The following PSD4 variants were observed in gnomAD, a reference collection of about 807,000 sequenced individuals.
PSD4 encodes PH and SEC7 domain-containing protein 4.
A neutral mutation model predicts 112.5 loss-of-function variants in PSD4; 59 were observed. The observed-to-expected ratio is 0.52, with a 90% CI of 0.43 to 0.65. The LOEUF (loss-of-function observed/expected upper bound fraction) is 0.65. Ranked by LOEUF, PSD4 falls within the 30% of genes least tolerant of loss-of-function variation. The pLI is 0.00. For missense variants in PSD4, 1,267 were observed against 1,352.6 expected (o/e 0.94, Z 0.99); for synonymous variants, 533 against 540.0 (o/e 0.99, Z 0.18).
In PSD4 at chr2:113,181,073, A is replaced by G. The variant is rs1688123079; in HGVS notation, c.-111-1273A>G. Among the ~76,000 whole-genome samples the G allele has an allele frequency of 1.3e-5, 2 of 151,834 alleles. 1 individual carries two copies. Among genetic ancestry groups the G allele is most frequent in the East Asian group, 3.9e-4 (2 of 5,170 alleles). On this transcript the variant is annotated intron_variant, in intron 1 of 16. Coordinates refer to ENST00000245796, the MANE Select transcript of PSD4 (RefSeq NM_012455.3). ...TCTCTACTAGAAATACAAAAAAAAA[A>G]AAAAATTAGCAGAGCATGGTGGTAG...
rs1473832592 is a variant in PSD4 at position 113,201,441 on chromosome 2, T to C, written c.*26T>C. ...AGCCAGCACCACCTCAGAGACACTGTTCCCTGCTCCAGGGTAGACCTGAGA... is the reference window on the plus strand; with the variant it reads ...AGCCAGCACCACCTCAGAGACACTGCTCCCTGCTCCAGGGTAGACCTGAGA... On this transcript the variant is annotated 3_prime_UTR_variant, in exon 17 of 17. Transcript: ENST00000245796. 2 of 1,610,728 alleles carry C rather than the reference T, an allele frequency of 1.2e-6. No homozygotes were observed. Among genetic ancestry groups the C allele is most frequent in the African/African-American group, 1.3e-5 (1 of 75,032 alleles).
intron 16 of PSD4, 55 bp downstream of exon 16, chr2:113,199,281 G>T: frequency 7.2e-7 from 1 of 1,385,910 alleles, no homozygotes; most frequent in Non-Finnish European, 9.3e-7. Flanking sequence ...CCGCCCTCTC[G>T]TGGCCGCCTC....
At chr2:113,174,398 C>T (rs940285711) in intron 1 of PSD4, among the ~76,000 whole-genome samples, 1 of 152,212 alleles carries the variant, frequency 6.6e-6, no homozygotes, top group East Asian at 1.9e-4. Flanking sequence ...GAAGGAAGCT[C>T]CTTGCTAATC....
At chr2:113,184,092 A>G (rs890550031) in intron 2 of PSD4, among the ~76,000 whole-genome samples, 3 of 152,236 alleles carry the variant, frequency 2.0e-5, no homozygotes, top group Non-Finnish European at 4.4e-5. Flanking sequence ...GGATGGGGAC[A>G]TGCTCTGTGA....
intron 1 of PSD4, among the ~76,000 whole-genome samples, 159 bp from the exon 2 acceptor site, chr2:113,182,187 G>A (rs1688154084): frequency 6.6e-6 from 1 of 152,212 alleles, no homozygotes; most frequent in Non-Finnish European, 1.5e-5. Flanking sequence ...GATGGAATAT[G>A]TGGTACACTC....
In PSD4 at chr2:113,199,174, G is replaced by T; in HGVS notation, c.2861G>T (p.Arg954Leu). ...AGGAACCTGCCGGAGCGGCGGGGCCGTGGCCGCGAGCTGGAGGAGCACCGC... is the reference window on the plus strand; with the variant it reads ...AGGAACCTGCCGGAGCGGCGGGGCCTTGGCCGCGAGCTGGAGGAGCACCGC... ...LQRNLPERRG[R>L]GRELEEHRLR... is the part of the protein sequence containing the mutation. The change falls in exon 16 of 17, where the codon CGT (arginine) becomes CTT (leucine). Residue 954 changes from arginine to leucine, a missense_variant. Arg to Leu is a moderately radical substitution (Grantham distance 102). Coordinates refer to ENST00000245796, the MANE Select transcript of PSD4 (RefSeq NM_012455.3). The T allele has an allele frequency of 6.6e-7, 1 of 1,524,906 alleles. No homozygotes were observed. Among genetic ancestry groups the T allele is most frequent in the South Asian group, 1.2e-5 (1 of 82,544 alleles). The allele number at this position is 1,524,906 out of a possible 1,614,324, so 94.5% of individuals were successfully genotyped here.
intron 4 of PSD4, 101 bp downstream of exon 4, chr2:113,185,541 G>A: frequency 6.3e-7 from 1 of 1,599,296 alleles, no homozygotes; most frequent in Non-Finnish European, 8.5e-7. Flanking sequence ...GCCATTAATG[G>A]GTCCCATTAT....
At chr2:113,184,933 T>A in intron 2 of PSD4, 24 bp from the exon 3 acceptor site, 1 of 1,613,512 alleles carries the variant, frequency 6.2e-7, no homozygotes, top group Non-Finnish European at 8.5e-7. Flanking sequence ...CCTTCTCTCC[T>A]CTGTCTCTCT....
At chr2:113,174,691 T>A (rs1343885489) in intron 1 of PSD4, among the ~76,000 whole-genome samples, 1 of 152,174 alleles carries the variant, frequency 6.6e-6, no homozygotes, top group Non-Finnish European at 1.5e-5. Context: ...AGCTCTGGCT[T>A]AGGCCTGTTG....
intron 5 of PSD4, 109 bp from the exon 6 acceptor site, chr2:113,192,271 G>A: frequency 9.5e-7 from 1 of 1,056,062 alleles, no homozygotes; most frequent in Non-Finnish European, 1.4e-6. Context: ...TAAGGGCCTG[G>A]GTCCAGCTCC....
At chr2:113,191,736 A>G (rs887848482) in intron 5 of PSD4, among the ~76,000 whole-genome samples, 15 of 152,186 alleles carry the variant, frequency 9.9e-5, no homozygotes, top group Admixed American at 1.3e-4. Context: ...GACATCTGAG[A>G]GTCTTAGTGC....
At chr2:113,174,743 C>G (rs761075185) in intron 1 of PSD4, among the ~76,000 whole-genome samples, 6 of 152,146 alleles carry the variant, frequency 3.9e-5, no homozygotes, top group Non-Finnish European at 7.4e-5. Flanking sequence ...CAAAGTGTGC[C>G]TGTGTAGGAA....
At chr2:113,185,145 A>T (rs1688259084) in intron 3 of PSD4, 72 bp downstream of exon 3, 2 of 1,605,232 alleles carry the variant, frequency 1.2e-6, no homozygotes, top group African/African-American at 2.7e-5. Flanking sequence ...ATTCATTTCC[A>T]GGGCCTAGCA....
chr2:113,184,950 T>G lies in PSD4; in HGVS notation c.1057-7T>G. 1 of 1,614,014 alleles carries G rather than the reference T, an allele frequency of 6.2e-7. No individual in the cohort carries two copies. The highest frequency in any genetic ancestry group is 8.5e-7 in the Non-Finnish European group (1 of 1,179,988). On this transcript the variant is annotated splice_polypyrimidine_tract_variant and splice_region_variant and intron_variant, in intron 2 of 16. Coordinates refer to ENST00000245796, the MANE Select transcript of PSD4 (RefSeq NM_012455.3). ...TTCTCTCCTCTGTCTCTCTCTCGAC[T>G]TCTCAGGGAGATAGGCTTGGTCCTG...
rs535023878 is a variant in PSD4, at chr2:113,179,101, A to G, written c.-111-3245A>G. On this transcript the variant is annotated intron_variant, in intron 1 of 16. Coordinates refer to ENST00000245796, the MANE Select transcript of PSD4 (RefSeq NM_012455.3). ...GGTGGGGTGAGTCACCTCCTTGCTC[A>G]CACTCGGTTGCTCTCCACCAGGCAG... Among the ~76,000 whole-genome samples the G allele has an allele frequency of 2.6e-5, 4 of 152,266 alleles. No individual in the cohort carries two copies. The East Asian group carries it at 7.7e-4, about 29-fold the overall frequency.
rs1688909605 is a variant in PSD4, at chr2:113,209,364, T to C, written c.*7949T>C. 6.6e-6 allele frequency: 1 copy of C among 152,198 alleles called. No individual in the cohort carries two copies. Among genetic ancestry groups the C allele is most frequent in the Non-Finnish European group, 1.5e-5 (1 of 68,044 alleles). The allele number at this position is 152,198 out of a possible 1,614,324, so 9.4% of individuals were successfully genotyped here. On this transcript the variant is annotated 3_prime_UTR_variant, in exon 17 of 17. Transcript: ENST00000245796. ...CAGAACAAGGTGAGGAATATATTAA[T>C]ATTTAAAATAAAATAAACAAAATGT...
Position 113,193,118 on chromosome 2 carries a change from C to G in PSD4, c.1909C>G (p.Arg637Gly), listed in dbSNP as rs1558893290. Residue 637 changes from arginine (R) to glycine (G), a missense_variant, in exon 7 of 17, where the codon CGA becomes GGA. Arg to Gly is a moderately radical substitution (Grantham distance 125). Around this residue, in one of 2 missense-constraint regions of PSD4, gnomAD observed 544 missense variants for 648.6 expected, o/e 0.84. Transcript: ENST00000245796. ...CCAGTTTGGAGGCCAGAGTCTGGAC[C>G]GAGCCCTCCGGTAATGTCTTTGGGC... is the stretch of plus-strand genomic sequence containing the variant. ...FFQFGGQSLDRALRSFLQALV... is the reference protein window; with the variant it reads ...FFQFGGQSLDGALRSFLQALV... 1 of 1,613,924 alleles carries G rather than the reference C, an allele frequency of 6.2e-7. No individual in the cohort carries two copies.
chr2:113,195,732 C>T lies in PSD4; in HGVS notation c.2187C>T (p.Leu729=). ...GNFPKELLKA[L]YWSIRSEKLE... Reference sequence around the variant, plus strand: ...CCTGTGTGCTTCTGTTCCAGGCCCTCTACTGGTCTATCCGCAGCGAGAAGC... The same window carrying T: ...CCTGTGTGCTTCTGTTCCAGGCCCTTTACTGGTCTATCCGCAGCGAGAAGC... The change falls in exon 11 of 17, where the codon CTC becomes CTT. Residue 729 remains leucine (L), a synonymous_variant. Transcript: ENST00000245796. 6.2e-7 allele frequency: 1 copy of T among 1,614,218 alleles called. No homozygotes were observed. Among genetic ancestry groups the T allele is most frequent in the Non-Finnish European group, 8.5e-7 (1 of 1,180,042 alleles).
At position 113,195,964 on chromosome 2, in the gene PSD4, G is replaced by A. The variant is rs1688597253; in HGVS notation, c.2226-183G>A. ...AATACCGGAGGGCCAGAGGTAGTGG[G>A]GCGTGGGGTATGGCAGAATTTTCAG... On this transcript the variant is annotated intron_variant, in intron 11 of 16. Coordinates refer to ENST00000245796, the MANE Select transcript of PSD4 (RefSeq NM_012455.3). Among the ~76,000 whole-genome samples, 2 of 152,152 alleles carry A rather than the reference G, an allele frequency of 1.3e-5. 1 individual carries two copies. Among genetic ancestry groups the A allele is most frequent in the South Asian group, 4.1e-4 (2 of 4,832 alleles).
Sources: allele counts gnomAD v4.1 joint callset (sites outside exome capture counted in the v4.1 genomes callset), GRCh38; gene constraint gnomAD v4.1.1; regional missense constraint gnomAD v4.1.1; transcripts MANE v1.5; gene names NCBI Gene and HGNC (gene_info 2026-07-23, HGNC 2026-07-21).